The following MCTP1 variants were observed in gnomAD, a reference collection of about 807,000 sequenced individuals.
MCTP1 encodes the protein multiple C2 and transmembrane domain-containing protein 1.
MCTP1 carries 69 observed loss-of-function variants against 120.6 expected under a neutral mutation model. The ratio of observed to expected loss-of-function variants is 0.57; its 90% CI spans 0.47 to 0.70. The LOEUF (loss-of-function observed/expected upper bound fraction) is 0.70. Ranked by LOEUF, MCTP1 falls within the 30% of genes least tolerant of loss-of-function variation. The probability of loss-of-function intolerance (pLI) is 0.00; values close to 1 mark genes in which losing one functional copy is unlikely to be tolerated. For synonymous variants in MCTP1, 529 were observed against 493.1 expected (o/e 1.07, Z -0.96); for missense variants, 1,203 against 1,248.8 (o/e 0.96, Z 0.55).
At chr5:94,787,952 T>A (rs571664234) in intron 18 of MCTP1, among the ~76,000 whole-genome samples, 1 of 152,334 alleles carries the variant, frequency 6.6e-6, no homozygotes, top group South Asian at 2.1e-4. Context: ...ATGAATAACC[T>A]TGTATAGCTA....
At position 95,211,442 on chromosome 5, in the gene MCTP1, T is replaced by C. The variant is rs572747486; in HGVS notation, c.720+72414A>G. On this transcript the variant is annotated intron_variant, in intron 1 of 22. Coordinates refer to ENST00000515393, the MANE Select transcript of MCTP1 (RefSeq NM_024717.7). ...AATTCATTTCATCTTCCATCACTGATACCCTTTCTTCCAGTTGATCACATC... is the reference window on the plus strand; with the variant it reads ...AATTCATTTCATCTTCCATCACTGACACCCTTTCTTCCAGTTGATCACATC... Among the ~76,000 whole-genome samples the C allele has an allele frequency of 2.0e-5, 3 of 152,338 alleles. No individual in the cohort carries two copies. The South Asian group carries it at 6.2e-4, about 32-fold the overall frequency.
intron 10 of MCTP1, among the ~76,000 whole-genome samples, chr5:94,902,210 C>T (rs1226246564): frequency 6.6e-6 from 1 of 152,134 alleles, no homozygotes; most frequent in African/African-American, 2.4e-5. Flanking sequence ...TGAACAAGCA[C>T]AAGTGAACAG....
chr5:94,871,442 A>G, intron 13 of MCTP1, 25 bp from the exon 14 acceptor site: 1 of 1,494,510 alleles, frequency 6.7e-7, no homozygotes, highest in Non-Finnish European at 9.3e-7. Flanking sequence ...TATGTAAGAA[A>G]AAAAGATTTC....
At chr5:94,777,135 AAC>A in intron 19 of MCTP1, among the ~76,000 whole-genome samples, 1 of 152,192 alleles carries the variant, frequency 6.6e-6, no homozygotes, top group East Asian at 1.9e-4. Context: ...TCACATGGAA[AAC>A]ACACTGCTTG....
At chr5:95,271,843 T>A (rs1759431542) in intron 1 of MCTP1, among the ~76,000 whole-genome samples, 1 of 152,194 alleles carries the variant, frequency 6.6e-6, no homozygotes, top group Non-Finnish European at 1.5e-5. Context: ...CAAAGTAAGA[T>A]TATTCATTTC....
chr5:95,261,940 CAG>C (rs1231411280), intron 1 of MCTP1, among the ~76,000 whole-genome samples: 1 of 152,160 alleles, frequency 6.6e-6, no homozygotes, highest in African/African-American at 2.4e-5. Flanking sequence ...GCTGGGACTG[CAG>C]AGTTTCCCCA....
chr5:95,046,634 A>G (rs1033305743), intron 1 of MCTP1, among the ~76,000 whole-genome samples: 8 of 152,154 alleles, frequency 5.3e-5, no homozygotes, highest in African/African-American at 1.9e-4. Context: ...AATAATTAAG[A>G]GTTCGCCAGA....
intron 18 of MCTP1, among the ~76,000 whole-genome samples, chr5:94,786,757 G>A (rs1190527356): frequency 6.7e-6 from 1 of 150,038 alleles, no homozygotes; most frequent in Non-Finnish European, 1.5e-5. Context: ...TAAGATTTAT[G>A]TTGATTTTTT....
chr5:95,192,344 A>G (rs1749917333), intron 1 of MCTP1, among the ~76,000 whole-genome samples: 1 of 151,960 alleles, frequency 6.6e-6, no homozygotes, highest in South Asian at 2.1e-4. Flanking sequence ...AGAATATATA[A>G]TTTAGCCTAT....
chr5:94,911,089 G>C (rs774852694), intron 9 of MCTP1, among the ~76,000 whole-genome samples: 2 of 152,164 alleles, frequency 1.3e-5, no homozygotes, highest in Non-Finnish European at 2.9e-5. Flanking sequence ...GCTAATGATG[G>C]GCTCTCTGAT....
intron 1 of MCTP1, among the ~76,000 whole-genome samples, chr5:95,121,017 G>A (rs1758183632): frequency 6.6e-6 from 1 of 151,996 alleles, no homozygotes; most frequent in Admixed American, 6.5e-5. Context: ...GGTGGCTCAT[G>A]CCTGTAATCC....
chr5:95,174,640 T>C (rs1747752997), intron 1 of MCTP1, among the ~76,000 whole-genome samples: 1 of 152,180 alleles, frequency 6.6e-6, no homozygotes, highest in Admixed American at 6.5e-5. Flanking sequence ...TCAGCTCCCT[T>C]GCCTCACAGC....
intron 4 of MCTP1, among the ~76,000 whole-genome samples, chr5:94,941,891 T>C (rs1235018042): frequency 6.6e-6 from 1 of 152,034 alleles, no homozygotes; most frequent in Non-Finnish European, 1.5e-5. Context: ...AATCCGGCAA[T>C]GGCAAAATCA....
At chr5:94,897,013 C>A (rs1219422492) in intron 10 of MCTP1, among the ~76,000 whole-genome samples, 1 of 152,096 alleles carries the variant, frequency 6.6e-6, no homozygotes, top group African/African-American at 2.4e-5. Context: ...GGAAGAAGCA[C>A]TGTTAGCAGT....
At chr5:94,708,045 T>G (rs1311116641) in intron 22 of MCTP1, among the ~76,000 whole-genome samples, 1 of 151,990 alleles carries the variant, frequency 6.6e-6, no homozygotes, top group Non-Finnish European at 1.5e-5. Context: ...TCAAAGGATT[T>G]TTGAGATATG....
chr5:94,905,588 T>C (rs2153427461), intron 10 of MCTP1, among the ~76,000 whole-genome samples: 2 of 152,318 alleles, frequency 1.3e-5, no homozygotes, highest in Admixed American at 1.3e-4. Context: ...GGTTGCTGAT[T>C]GATTTGATGA....
intron 19 of MCTP1, among the ~76,000 whole-genome samples, chr5:94,762,225 T>C (rs1032293990): frequency 3.0e-4 from 46 of 152,246 alleles, no homozygotes; most frequent in African/African-American, 1.0e-3. Flanking sequence ...TTAATGACTT[T>C]TAATGAGTGA....
intron 1 of MCTP1, among the ~76,000 whole-genome samples, chr5:95,232,437 C>T (rs932171259): frequency 2.6e-5 from 4 of 151,076 alleles, no homozygotes; most frequent in African/African-American, 9.7e-5. Context: ...TTATATGTTG[C>T]CCACAAGAAA....
chr5:94,750,597 A>G (rs1768054159), intron 19 of MCTP1, among the ~76,000 whole-genome samples: 2 of 152,220 alleles, frequency 1.3e-5, no homozygotes, highest in African/African-American at 4.8e-5. Flanking sequence ...GGTGACTGGC[A>G]GTATTTCAAA....
Sources: allele counts gnomAD v4.1 joint callset (sites outside exome capture counted in the v4.1 genomes callset), GRCh38; gene constraint gnomAD v4.1.1; transcripts MANE v1.5; gene names NCBI Gene and HGNC (gene_info 2026-07-23, HGNC 2026-07-21).